MYH9: variants seen among roughly 807,000 people sequenced by gnomAD.
MYH9 encodes the protein myosin-9.
Under a neutral mutation model 241.9 loss-of-function variants are expected in MYH9, and 29 were observed. That is an observed-to-expected ratio of 0.12 (90% CI 0.09 to 0.16). MYH9 has a LOEUF of 0.16. Among genes scored for constraint, MYH9 ranks in the 10% least tolerant of loss-of-function variants. The pLI, the probability that MYH9 is intolerant of heterozygous loss-of-function variation, is 1.00. For synonymous variants in MYH9, 1,047 were observed against 1,062.6 expected (o/e 0.99, Z 0.29); for missense variants, 1,803 against 2,595.5 (o/e 0.69, Z 6.63).
At chr22:36,347,105 G>A (rs949150113) in intron 2 of MYH9, among the ~76,000 whole-genome samples, 19 of 152,140 alleles carry the variant, frequency 1.2e-4, no homozygotes, top group African/African-American at 4.1e-4. Flanking sequence ...GGAATTTGGG[G>A]TTGATATTGG....
chr22:36,366,189 A>AAAAT (rs1190032022), intron 1 of MYH9, among the ~76,000 whole-genome samples: 4 of 152,148 alleles, frequency 2.6e-5, no homozygotes, highest in African/African-American at 7.2e-5. Context: ...CTCCATCTCA[A>AAAAT]AAATAAATAA....
chr22:36,283,387 A>G lies in MYH9; in HGVS notation c.5766-602T>C, dbSNP rs548877501. Reference sequence around the variant, plus strand: ...CCCCGTCTCCACTAAAAATACAAAAATTAGCCGGGCATAGTGGTGCATGCC... The same window carrying G: ...CCCCGTCTCCACTAAAAATACAAAAGTTAGCCGGGCATAGTGGTGCATGCC... On this transcript the variant is annotated intron_variant, in intron 40 of 40. Transcript: ENST00000216181. 1.1e-3 allele frequency among the ~76,000 whole-genome samples: 167 copies of G among 152,100 alleles called. 1 individual carries two copies. Among genetic ancestry groups the G allele is most frequent in the African/African-American group, 3.7e-3 (155 of 41,480 alleles).
chr22:36,352,382 T>C (rs1236456821), intron 1 of MYH9, among the ~76,000 whole-genome samples: 1 of 152,162 alleles, frequency 6.6e-6, no homozygotes, highest in Non-Finnish European at 1.5e-5. Flanking sequence ...TTGCAGCCCA[T>C]CAGCAGTGGC....
rs773641917 is a variant in MYH9 at position 36,341,488 on chromosome 22, G to A, written c.372C>T (p.Tyr124=). 1.2e-6 allele frequency: 2 copies of A among 1,614,214 alleles called. No individual in the cohort carries two copies. The highest frequency in any genetic ancestry group is 1.7e-6 in the Non-Finnish European group (2 of 1,180,042). Residue 124 remains tyrosine (Y), a synonymous_variant, in exon 3 of 41, where the codon TAC becomes TAT. Coordinates refer to ENST00000216181, the MANE Select transcript of MYH9 (RefSeq NM_002473.6). ...CTTCAGAGTAGATGGGCAGGTTCTTGTAAGGATTGATGACCACACAGAACA... is the reference window on the plus strand; with the variant it reads ...CTTCAGAGTAGATGGGCAGGTTCTTATAAGGATTGATGACCACACAGAACA... ...SGLFCVVINP[Y]KNLPIYSEEI...
At chr22:36,348,142 T>A (rs966037890) in intron 2 of MYH9, among the ~76,000 whole-genome samples, 23 of 148,730 alleles carry the variant, frequency 1.5e-4, no homozygotes, top group Admixed American at 5.3e-4. Context: ...TTTAAAAAAA[T>A]TTTTAAAGAT....
Position 36,281,949 on chromosome 22 carries a change from T to C in MYH9, c.*719A>G, listed in dbSNP as rs1490609814. 3 of 232,558 alleles carry C rather than the reference T, an allele frequency of 1.3e-5. No homozygotes were observed. Among genetic ancestry groups the C allele is most frequent in the Non-Finnish European group, 1.7e-5 (2 of 117,522 alleles). The allele number at this position is 232,558 out of a possible 1,614,324, so 14.4% of individuals were successfully genotyped here. ...CAGCTTGACCCCGACAGCCTTGCTG[T>C]GGCAGAGGCAGGCTGTCCTCGGTAA... On this transcript the variant is annotated 3_prime_UTR_variant, in exon 41 of 41. Coordinates refer to ENST00000216181, the MANE Select transcript of MYH9 (RefSeq NM_002473.6).
intron 5 of MYH9, 59 bp downstream of exon 5, chr22:36,326,509 C>T (rs1484033639): frequency 1.4e-6 from 2 of 1,448,212 alleles, no homozygotes; most frequent in East Asian, 4.5e-5. Context: ...AGTGCTCTTC[C>T]TCCATCATCC....
In MYH9 at chr22:36,320,323, C is replaced by T; in HGVS notation, c.909G>A (p.Leu303=). ...LLEPYNKYRF[L]SNGHVTIPGQ... ...CGGGGATGGTGACGTGTCCATTGGA[C>T]AGGAAGCGGTATTTGTTGTACGGCT... The change falls in exon 9 of 41, where the codon CTG becomes CTA. Residue 303 remains leucine (L), a synonymous_variant. Transcript: ENST00000216181. This position sits in a 1 kb window ranked among gnomAD's most constrained non-coding sequence, Gnocchi z 4.8. The T allele has an allele frequency of 6.2e-7, 1 of 1,614,156 alleles. No individual in the cohort carries two copies. Among genetic ancestry groups the T allele is most frequent in the Non-Finnish European group, 8.5e-7 (1 of 1,180,046 alleles).
intron 12 of MYH9, 91 bp from the exon 13 acceptor site, chr22:36,314,409 C>T: frequency 2.0e-6 from 3 of 1,500,668 alleles, no homozygotes; most frequent in Non-Finnish European, 1.8e-6. Flanking sequence ...GGCAGGGATA[C>T]AGGAAGGGCC....
chr22:36,377,710 C>T (rs894809062), intron 1 of MYH9, among the ~76,000 whole-genome samples: 1 of 150,438 alleles, frequency 6.6e-6, no homozygotes, highest in Middle Eastern at 3.5e-3. Context: ...GAGATGGAGA[C>T]CATCCTGGCT....
At chr22:36,374,377 G>A (rs1263530955) in intron 1 of MYH9, among the ~76,000 whole-genome samples, 1 of 152,182 alleles carries the variant, frequency 6.6e-6, no homozygotes, top group East Asian at 1.9e-4. Context: ...AAAATTAGCC[G>A]GGCATGGCGG....
At chr22:36,333,986 A>C (rs1429626800) in intron 3 of MYH9, among the ~76,000 whole-genome samples, 1 of 152,090 alleles carries the variant, frequency 6.6e-6, no homozygotes, top group Non-Finnish European at 1.5e-5. Flanking sequence ...CAAAGCTTCC[A>C]AACACCCCCA....
chr22:36,310,137 C>T (rs2017037276), intron 14 of MYH9, among the ~76,000 whole-genome samples: 1 of 152,000 alleles, frequency 6.6e-6, no homozygotes, highest in South Asian at 2.1e-4. Flanking sequence ...GTAATCCCAG[C>T]TACAGGGCTG....
intron 5 of MYH9, among the ~76,000 whole-genome samples, chr22:36,325,754 T>A (rs773422369): frequency 6.6e-6 from 1 of 152,138 alleles, no homozygotes; most frequent in Non-Finnish European, 1.5e-5. Context: ...AATCTGGGCA[T>A]GACTGGAGTT....
intron 38 of MYH9, 128 bp from the exon 39 acceptor site, chr22:36,284,639 C>G: frequency 1.2e-6 from 1 of 848,246 alleles, no homozygotes; most frequent in Admixed American, 2.0e-5. Flanking sequence ...GAGGCCTTTG[C>G]TAGACACCTA....
intron 7 of MYH9, 149 bp from the exon 8 acceptor site, chr22:36,321,045 T>C (rs1300247267): frequency 3.2e-6 from 2 of 632,646 alleles, no homozygotes; most frequent in African/African-American, 1.8e-5. Flanking sequence ...CTCCACCTCC[T>C]GGATTCAAGC....
At chr22:36,304,183 T>C (rs2016933720) in intron 18 of MYH9, 28 bp from the exon 19 acceptor site, 2 of 1,612,620 alleles carry the variant, frequency 1.2e-6, no homozygotes, top group Admixed American at 1.7e-5. Flanking sequence ...GCCGTTTACC[T>C]GGCCAGCAAC....
intron 20 of MYH9, 24 bp from the exon 21 acceptor site, chr22:36,301,689 G>A (rs1206414329): frequency 3.7e-6 from 6 of 1,611,092 alleles, no homozygotes; most frequent in South Asian, 1.1e-5. Context: ...TAGAGGTAGA[G>A]ACATGCTCGG....
chr22:36,344,498 G>A (rs557786345), intron 2 of MYH9, among the ~76,000 whole-genome samples: 2 of 152,262 alleles, frequency 1.3e-5, no homozygotes, highest in African/African-American at 2.4e-5. Context: ...GCCCAGGGGC[G>A]CTGACATGCT....
Sources: allele counts gnomAD v4.1 joint callset (sites outside exome capture counted in the v4.1 genomes callset), GRCh38; gene constraint gnomAD v4.1.1; non-coding constraint Gnocchi (gnomAD v3.1); transcripts MANE v1.5; gene names NCBI Gene and HGNC (gene_info 2026-07-23, HGNC 2026-07-21).